The following RGS7 variants were observed in gnomAD, a reference collection of about 807,000 sequenced individuals.
RGS7 encodes regulator of G protein signaling 7, also known as regulator of G-protein signaling 7.
In RGS7, 27 loss-of-function variants were observed where a neutral mutation model predicts 81.1. That is an observed-to-expected ratio of 0.33 (90% CI 0.25 to 0.46). The LOEUF (loss-of-function observed/expected upper bound fraction) is 0.46, where lower values mean the gene tolerates loss of function less well. Ranked by LOEUF, RGS7 falls within the 20% of genes least tolerant of loss-of-function variation. The pLI is 1.00. For synonymous variants in RGS7, 208 were observed against 207.7 expected (o/e 1.00, Z -0.01); for missense variants, 396 against 607.4 (o/e 0.65, Z 3.66).
intron 16 of RGS7, among the ~76,000 whole-genome samples, chr1:240,802,335 G>A (rs1688158471): frequency 6.6e-6 from 1 of 152,076 alleles, no homozygotes; most frequent in African/African-American, 2.4e-5. Flanking sequence ...TGAATAATGA[G>A]GTCTACTACA....
At chr1:241,130,009 C>T (rs1277583469) in intron 2 of RGS7, among the ~76,000 whole-genome samples, 1 of 152,070 alleles carries the variant, frequency 6.6e-6, no homozygotes, top group Non-Finnish European at 1.5e-5. Context: ...GATATTCTAC[C>T]ATCACTATGC....
chr1:241,087,176 G>A (rs1028026881), intron 3 of RGS7, among the ~76,000 whole-genome samples: 4 of 152,142 alleles, frequency 2.6e-5, no homozygotes, highest in Non-Finnish European at 5.9e-5. Flanking sequence ...TTAACACATA[G>A]GATTCCACAG....
At chr1:241,231,571 C>A (rs1006399762) in intron 2 of RGS7, among the ~76,000 whole-genome samples, 1 of 152,064 alleles carries the variant, frequency 6.6e-6, no homozygotes, top group African/African-American at 2.4e-5. Flanking sequence ...GTTGGGCAGG[C>A]TGGTCTCGAA....
At chr1:240,861,718 C>G (rs1662226337) in intron 9 of RGS7, among the ~76,000 whole-genome samples, 1 of 152,028 alleles carries the variant, frequency 6.6e-6, no homozygotes, top group Non-Finnish European at 1.5e-5. Flanking sequence ...GGTCACTAAT[C>G]TTATTAATAA....
intron 2 of RGS7, among the ~76,000 whole-genome samples, chr1:241,219,425 A>T (rs2074765479): frequency 6.6e-6 from 1 of 152,208 alleles, no homozygotes; most frequent in African/African-American, 2.4e-5. Flanking sequence ...CTGTAAGTCC[A>T]ATTAAACCTC....
At chr1:241,004,907 C>T (rs1433383444) in intron 3 of RGS7, among the ~76,000 whole-genome samples, 8 of 152,174 alleles carry the variant, frequency 5.3e-5, no homozygotes, top group Non-Finnish European at 1.2e-4. Flanking sequence ...ATTCTAGTCT[C>T]TGGGGAGAAT....
At chr1:240,979,863 AAG>A (rs1684670636) in intron 4 of RGS7, among the ~76,000 whole-genome samples, 1 of 152,212 alleles carries the variant, frequency 6.6e-6, no homozygotes, top group African/African-American at 2.4e-5. Context: ...AATTTGTTCA[AAG>A]AGAGAATATT....
intron 2 of RGS7, among the ~76,000 whole-genome samples, chr1:241,241,682 G>A (rs1308949581): frequency 6.6e-6 from 1 of 152,038 alleles, no homozygotes; most frequent in African/African-American, 2.4e-5. Flanking sequence ...ATGAGCCATG[G>A]GAGATCCCGA....
At position 241,272,195 on chromosome 1, in the gene RGS7, G is replaced by A. The variant is rs559887359; in HGVS notation, c.78+83504C>T. ...TTTTTAGTAGAGATGGGGTTTCACC[G>A]TGTTAGCCAGGGTGGTCTTGATCTC... On this transcript the variant is annotated intron_variant, in intron 2 of 18. Coordinates refer to ENST00000440928, the MANE Select transcript of RGS7 (RefSeq NM_001364886.1). 9.6e-4 allele frequency among the ~76,000 whole-genome samples: 146 copies of A among 151,924 alleles called. 2 individuals carry two copies. The South Asian group carries it at 0.028, about 30-fold the overall frequency.
intron 2 of RGS7, among the ~76,000 whole-genome samples, chr1:241,192,208 T>TG (rs1558174235): frequency 4.6e-5 from 3 of 64,648 alleles, no homozygotes; most frequent in African/African-American, 2.1e-4. Flanking sequence ...GTGTGTGTGT[T>TG]TTGCTTTGAT....
At chr1:241,142,504 G>A (rs1361237615) in intron 2 of RGS7, among the ~76,000 whole-genome samples, 1 of 152,208 alleles carries the variant, frequency 6.6e-6, no homozygotes, top group Non-Finnish European at 1.5e-5. Context: ...ACACCATGTG[G>A]AAGCTGCCAA....
intron 18 of RGS7, among the ~76,000 whole-genome samples, chr1:240,797,727 T>G (rs892043202): frequency 6.6e-6 from 1 of 152,210 alleles, no homozygotes; most frequent in Admixed American, 6.5e-5. Context: ...ATTTTCATAA[T>G]TCTTAAAGCA....
chr1:241,323,606 G>A (rs1428499041), intron 2 of RGS7, among the ~76,000 whole-genome samples: 2 of 152,214 alleles, frequency 1.3e-5, no homozygotes, highest in African/African-American at 4.8e-5. Flanking sequence ...TGATATGAAC[G>A]AGTCCAAGAG....
chr1:240,832,525 A>C (rs1300681395), intron 9 of RGS7, among the ~76,000 whole-genome samples: 1 of 152,224 alleles, frequency 6.6e-6, no homozygotes, highest in Non-Finnish European at 1.5e-5. Context: ...GCAAAAGAGA[A>C]GCTGGAGTTT....
At chr1:241,102,792 T>C (rs1558722502) in intron 2 of RGS7, among the ~76,000 whole-genome samples, 1 of 152,068 alleles carries the variant, frequency 6.6e-6, no homozygotes. Flanking sequence ...CTCAACAAGC[T>C]TCAGTGATTG....
At position 241,098,453 on chromosome 1, in the gene RGS7, AC is replaced by A. The variant is rs1168591180; in HGVS notation, c.175+212del. On this transcript the variant is annotated intron_variant, in intron 3 of 18. Coordinates refer to ENST00000440928, the MANE Select transcript of RGS7 (RefSeq NM_001364886.1). ...CTTCGCATTTGTTCATTCGGTCTTTACAAACTAACCTAGAGCAGGGTCATGA... is the reference window on the plus strand; with the variant it reads ...CTTCGCATTTGTTCATTCGGTCTTTAAAACTAACCTAGAGCAGGGTCATGA... Among the ~76,000 whole-genome samples, 9 of 152,264 alleles carry A rather than the reference AC, an allele frequency of 5.9e-5. No individual in the cohort carries two copies. In the East Asian group the frequency reaches 1.7e-3, roughly 29 times the overall value.
chr1:241,137,853 A>C (rs920631485), intron 2 of RGS7, among the ~76,000 whole-genome samples: 4 of 152,186 alleles, frequency 2.6e-5, no homozygotes, highest in African/African-American at 9.7e-5. Flanking sequence ...ATGTGAAAAG[A>C]TCATATGAAT....
intron 9 of RGS7, among the ~76,000 whole-genome samples, chr1:240,862,103 T>G (rs1662317920): frequency 6.6e-6 from 1 of 152,210 alleles, no homozygotes; most frequent in South Asian, 2.1e-4. Flanking sequence ...CAATTCTGTC[T>G]GGAGTCCTTA....
intron 14 of RGS7, among the ~76,000 whole-genome samples, chr1:240,807,174 A>G (rs1030344687): frequency 7.2e-5 from 11 of 152,242 alleles, no homozygotes; most frequent in African/African-American, 2.7e-4. Flanking sequence ...AAGTCTAGTG[A>G]GAAGGGGCCA....
Sources: gnomAD v4.1 joint callset for allele counts (sites outside exome capture counted in the v4.1 genomes callset) on GRCh38, gnomAD v4.1.1 for gene constraint, MANE v1.5 for transcripts, NCBI Gene and HGNC (gene_info 2026-07-23, HGNC 2026-07-21) for gene names.